NT5DC1: variants seen among roughly 807,000 people sequenced by gnomAD.
NT5DC1 encodes 5'-nucleotidase domain containing 1, also known as 5'-nucleotidase domain-containing protein 1.
NT5DC1 carries 42 observed loss-of-function variants against 59.4 expected under a neutral mutation model. The observed-to-expected ratio is 0.71, with a 90% confidence interval of 0.55 to 0.92. The LOEUF (loss-of-function observed/expected upper bound fraction) is 0.92. Ranked by LOEUF, NT5DC1 falls within the 40% of genes least tolerant of loss-of-function variation. The pLI is 0.00. For synonymous variants in NT5DC1, 172 were observed against 188.1 expected (o/e 0.91, Z 0.70); for missense variants, 501 against 537.1 (o/e 0.93, Z 0.66).
At chr6:116,106,016 T>C (rs1778760271) in intron 1 of NT5DC1, among the ~76,000 whole-genome samples, 1 of 152,230 alleles carries the variant, frequency 6.6e-6, no homozygotes, top group Admixed American at 6.5e-5. Flanking sequence ...TCTTTGGTTG[T>C]ATAATTGTAT....
intron 6 of NT5DC1, chr6:116,121,389 T>A: frequency 6.2e-7 from 1 of 1,613,800 alleles, no homozygotes; most frequent in Non-Finnish European, 8.5e-7. Flanking sequence ...ATTGGTCCCA[T>A]TTCTCCCGGA....
intron 6 of NT5DC1, among the ~76,000 whole-genome samples, chr6:116,126,982 C>G (rs772606377): frequency 3.9e-5 from 6 of 152,004 alleles, no homozygotes; most frequent in Non-Finnish European, 7.4e-5. Flanking sequence ...TATTAGGAAG[C>G]CTTTAAAATC....
chr6:116,152,025 A>T (rs565765992), intron 6 of NT5DC1, among the ~76,000 whole-genome samples: 61 of 152,322 alleles, frequency 4.0e-4, no homozygotes, highest in African/African-American at 1.4e-3. Context: ...ATGCAGGATT[A>T]TAGTAACCTG....
intron 6 of NT5DC1, among the ~76,000 whole-genome samples, chr6:116,189,865 C>G (rs957368341): frequency 6.6e-6 from 1 of 151,984 alleles, no homozygotes; most frequent in Non-Finnish European, 1.5e-5. Flanking sequence ...TCAGGGGAAG[C>G]ACATAATTCT....
At chr6:116,161,894 A>G (rs149084131) in intron 6 of NT5DC1, among the ~76,000 whole-genome samples, 9 of 152,206 alleles carry the variant, frequency 5.9e-5, no homozygotes, top group East Asian at 3.9e-4. Flanking sequence ...TGTGTCATCT[A>G]CAGTTTCATT....
chr6:116,242,108 G>C (rs1011852905), intron 11 of NT5DC1, among the ~76,000 whole-genome samples: 1 of 151,636 alleles, frequency 6.6e-6, no homozygotes, highest in Non-Finnish European at 1.5e-5. Flanking sequence ...GTAGCTCAAC[G>C]CCTTGTAATC....
intron 6 of NT5DC1, among the ~76,000 whole-genome samples, chr6:116,182,150 T>C (rs936004376): frequency 1.3e-5 from 2 of 152,000 alleles, no homozygotes; most frequent in African/African-American, 4.8e-5. Flanking sequence ...ACCTAGAACC[T>C]CCAATTTCAT....
At chr6:116,144,722 G>C (rs1482960472) in intron 6 of NT5DC1, among the ~76,000 whole-genome samples, 2 of 152,152 alleles carry the variant, frequency 1.3e-5, no homozygotes, top group Admixed American at 1.3e-4. Context: ...CCAGTAACAT[G>C]TTCCCTAAGG....
intron 6 of NT5DC1, among the ~76,000 whole-genome samples, chr6:116,143,372 A>T (rs1043968043): frequency 6.6e-6 from 1 of 152,022 alleles, no homozygotes; most frequent in African/African-American, 2.4e-5. Context: ...CACCATACCC[A>T]GCTAATTTTT....
intron 6 of NT5DC1, among the ~76,000 whole-genome samples, chr6:116,174,547 C>T (rs1780689835): frequency 6.6e-6 from 1 of 152,230 alleles, no homozygotes; most frequent in South Asian, 2.1e-4. Context: ...TAAAATATTT[C>T]CTATTCGTGT....
chr6:116,102,016 G>A (rs1249920784), intron 1 of NT5DC1, among the ~76,000 whole-genome samples: 6 of 152,234 alleles, frequency 3.9e-5, no homozygotes, highest in African/African-American at 1.4e-4. Flanking sequence ...GTAAAATGGA[G>A]CTAATAATTG....
chr6:116,233,984 T>TTTG (rs1554202208), intron 8 of NT5DC1, among the ~76,000 whole-genome samples: 1 of 148,870 alleles, frequency 6.7e-6, no homozygotes, highest in African/African-American at 2.5e-5. Context: ...ACTGTTTTTT[T>TTTG]TTTTTTTTTT....
intron 6 of NT5DC1, among the ~76,000 whole-genome samples, chr6:116,193,836 C>T (rs137892313): frequency 6.6e-6 from 1 of 151,944 alleles, no homozygotes; most frequent in African/African-American, 2.4e-5. Flanking sequence ...TTTGGGAGGC[C>T]GAAACAGGCA....
At chr6:116,194,746 G>A (rs919036646) in intron 6 of NT5DC1, among the ~76,000 whole-genome samples, 1 of 152,022 alleles carries the variant, frequency 6.6e-6, no homozygotes, top group Admixed American at 6.6e-5. Context: ...TATCAGAAGA[G>A]TTAGAAACAA....
intron 6 of NT5DC1, among the ~76,000 whole-genome samples, chr6:116,181,501 C>T (rs1186573470): frequency 6.6e-6 from 1 of 151,972 alleles, no homozygotes; most frequent in African/African-American, 2.4e-5. Context: ...TAGAAAAGAA[C>T]TTCTTTAATC....
At chr6:116,114,098 T>G (rs1187947538) in intron 4 of NT5DC1, among the ~76,000 whole-genome samples, 2 of 152,160 alleles carry the variant, frequency 1.3e-5, no homozygotes, top group African/African-American at 4.8e-5. Context: ...ATCCTAACCT[T>G]TCTTAGGAAT....
At chr6:116,241,934 AAAAACAAAACAAAAAAAAAAAAAAAC>A (rs1771735611) in intron 11 of NT5DC1, among the ~76,000 whole-genome samples, 1 of 24,498 alleles carries the variant, frequency 4.1e-5, no homozygotes, top group African/African-American at 1.5e-4. Context: ...AAAAAAAAAA[AAAAACAAAACAAAAAAAAAAAAAAAC>A]AAAGAATCAG....
chr6:116,171,985 G>T (rs558673280), intron 6 of NT5DC1, among the ~76,000 whole-genome samples: 35 of 152,130 alleles, frequency 2.3e-4, no homozygotes, highest in African/African-American at 8.0e-4. Context: ...TATGACAGCC[G>T]CCACATCTTA....
At chr6:116,128,515 AT>A (rs1218916430) in intron 6 of NT5DC1, among the ~76,000 whole-genome samples, 2 of 152,152 alleles carry the variant, frequency 1.3e-5, no homozygotes, top group Admixed American at 1.3e-4. Flanking sequence ...ATGAATAATG[AT>A]TTTTTTCACA....
Sources: gnomAD v4.1 joint callset for allele counts (sites outside exome capture counted in the v4.1 genomes callset) on GRCh38, gnomAD v4.1.1 for gene constraint, MANE v1.5 for transcripts, NCBI Gene and HGNC (gene_info 2026-07-23, HGNC 2026-07-21) for gene names.